The following TGFBR3 variants were observed in gnomAD, a reference collection of about 807,000 sequenced individuals.
The protein encoded by TGFBR3 is transforming growth factor beta receptor 3.
TGFBR3 carries 46 observed loss-of-function variants against 87.9 expected under a neutral mutation model. The observed-to-expected ratio is 0.52, with a 90% confidence interval of 0.41 to 0.67. The LOEUF is 0.67. Ranked by LOEUF, TGFBR3 falls within the 30% of genes least tolerant of loss-of-function variation. The probability of loss-of-function intolerance (pLI) is 0.00; values close to 1 mark genes in which losing one functional copy is unlikely to be tolerated. For synonymous variants in TGFBR3, 381 were observed against 391.6 expected, an observed-to-expected ratio of 0.97 and a Z score of 0.32; for missense variants, 866 against 1,041.9, an observed-to-expected ratio of 0.83 and a Z score of 2.32.
intron 2 of TGFBR3, among the ~76,000 whole-genome samples, chr1:91,799,352 C>T (rs1016037892): frequency 6.6e-6 from 1 of 152,200 alleles, no homozygotes; most frequent in Admixed American, 6.5e-5. Context: ...GAAGATGTCC[C>T]GAGAGCAACA....
intron 2 of TGFBR3, among the ~76,000 whole-genome samples, chr1:91,893,002 C>G (rs1330276506): frequency 6.6e-6 from 1 of 152,126 alleles, no homozygotes; most frequent in African/African-American, 2.4e-5. Flanking sequence ...AGAAAACAAC[C>G]TCATTGACTT....
chr1:91,756,845 T>G (rs1170595906), intron 4 of TGFBR3, among the ~76,000 whole-genome samples: 1 of 152,218 alleles, frequency 6.6e-6, no homozygotes, highest in Non-Finnish European at 1.5e-5. Flanking sequence ...CCACATTTGC[T>G]TTATTCTTCT....
chr1:91,840,504 C>T (rs538393675), intron 2 of TGFBR3, among the ~76,000 whole-genome samples: 3 of 142,814 alleles, frequency 2.1e-5, no homozygotes, highest in African/African-American at 7.8e-5. Context: ...TAATATCATG[C>T]ATGATTTTGT....
chr1:91,861,850 T>A, intron 1 of TGFBR3: 1 of 325,476 alleles, frequency 3.1e-6, no homozygotes, highest in Non-Finnish European at 5.6e-6. Context: ...GACATATTTG[T>A]TATTGGCTTT....
At chr1:91,756,227 C>T (rs935753128) in intron 4 of TGFBR3, among the ~76,000 whole-genome samples, 8 of 152,168 alleles carry the variant, frequency 5.3e-5, no homozygotes, top group South Asian at 2.1e-4. Context: ...TAAGTAGCCA[C>T]GCACAGCTAT....
intron 2 of TGFBR3, among the ~76,000 whole-genome samples, chr1:91,833,573 G>T (rs1399634994): frequency 6.6e-6 from 1 of 150,752 alleles, no homozygotes; most frequent in Non-Finnish European, 1.5e-5. Flanking sequence ...TTCAAGACCA[G>T]CCTGGCCAAT....
intron 1 of TGFBR3, among the ~76,000 whole-genome samples, chr1:91,880,611 A>AT (rs756241865): frequency 7.9e-4 from 120 of 152,156 alleles, no homozygotes; most frequent in Middle Eastern, 3.4e-3. Flanking sequence ...AAAAATAAAA[A>AT]TAAAAATAAA....
intron 2 of TGFBR3, among the ~76,000 whole-genome samples, chr1:91,841,291 A>G (rs935364575): frequency 3.3e-5 from 5 of 152,238 alleles, no homozygotes; most frequent in African/African-American, 4.8e-5. Flanking sequence ...GAATGCAGAA[A>G]TGCAACATAC....
chr1:91,874,511 G>T (rs892363734), intron 1 of TGFBR3, among the ~76,000 whole-genome samples: 3 of 151,938 alleles, frequency 2.0e-5, no homozygotes, highest in Non-Finnish European at 4.4e-5. Flanking sequence ...CAGTAGAGTG[G>T]TTTTTTGGTT....
intron 2 of TGFBR3, among the ~76,000 whole-genome samples, chr1:91,806,017 T>C (rs1293697130): frequency 7.9e-5 from 12 of 152,186 alleles, no homozygotes; most frequent in Admixed American, 7.9e-4. Context: ...ATAGGCCAAA[T>C]GTAAACATTC....
chr1:91,695,071 A>C (rs1240886166), intron 16 of TGFBR3, among the ~76,000 whole-genome samples: 2 of 149,832 alleles, frequency 1.3e-5, no homozygotes, highest in African/African-American at 4.9e-5. Context: ...TTGAAGATTG[A>C]GGGATAATAG....
intron 2 of TGFBR3, among the ~76,000 whole-genome samples, chr1:91,891,744 C>A (rs1215564831): frequency 3.3e-5 from 5 of 152,180 alleles, no homozygotes; most frequent in Non-Finnish European, 5.9e-5. Flanking sequence ...ACTACAGTAT[C>A]TGCCCTTATT....
intron 3 of TGFBR3, among the ~76,000 whole-genome samples, chr1:91,783,439 C>T (rs182474999): frequency 5.3e-5 from 8 of 152,314 alleles, no homozygotes; most frequent in Admixed American, 3.9e-4. Flanking sequence ...GGTGCCCCGG[C>T]GGGCTGGACA....
intron 3 of TGFBR3, among the ~76,000 whole-genome samples, chr1:91,772,056 A>G (rs1220820773): frequency 1.3e-5 from 2 of 152,180 alleles, no homozygotes; most frequent in African/African-American, 4.8e-5. Flanking sequence ...AAGGAAATAC[A>G]AAAAAGAATA....
At chr1:91,723,932 T>C (rs1375550152) in intron 7 of TGFBR3, among the ~76,000 whole-genome samples, 1 of 152,370 alleles carries the variant, frequency 6.6e-6, no homozygotes, top group East Asian at 1.9e-4. Flanking sequence ...CCCTAAAAGA[T>C]TCACAGGCTC....
chr1:91,718,944 C>T (rs537585105), intron 10 of TGFBR3, among the ~76,000 whole-genome samples: 11 of 152,112 alleles, frequency 7.2e-5, no homozygotes, highest in South Asian at 2.1e-4. Context: ...CTGGTTAACC[C>T]GGCTGTGCAG....
At chr1:91,862,270 A>G (rs1048305444) in intron 1 of TGFBR3, among the ~76,000 whole-genome samples, 23 of 152,238 alleles carry the variant, frequency 1.5e-4, no homozygotes, top group Admixed American at 6.5e-4. Context: ...AAAGTAATCA[A>G]TGACACTTGA....
At chr1:91,838,045 C>A (rs1180667740) in intron 2 of TGFBR3, among the ~76,000 whole-genome samples, 1 of 152,154 alleles carries the variant, frequency 6.6e-6, no homozygotes, top group African/African-American at 2.4e-5. Flanking sequence ...AAGGCAATCC[C>A]CCTCATCTGC....
intron 11 of TGFBR3, 22 bp downstream of exon 11, chr1:91,716,546 C>T: frequency 6.2e-7 from 1 of 1,614,054 alleles, no homozygotes; most frequent in Non-Finnish European, 8.5e-7. Context: ...CCACAAACCC[C>T]CTACTGATAA....
Sources: gnomAD v4.1 joint callset for allele counts (sites outside exome capture counted in the v4.1 genomes callset) on GRCh38, gnomAD v4.1.1 for gene constraint, MANE v1.5 for transcripts, NCBI Gene and HGNC (gene_info 2026-07-23, HGNC 2026-07-21) for gene names.